Variants in ZNF85 observed in about 807,000 individuals in gnomAD.
The protein encoded by ZNF85 is zinc finger protein 85, also known as zinc finger protein 85 (HPF4, HTF1).
ZNF85 carries 50 observed loss-of-function variants against 53.9 expected under a neutral mutation model. The ratio of observed to expected loss-of-function variants is 0.93; its 90% CI spans 0.74 to 1.17. The LOEUF is 1.17. Ranked by LOEUF, ZNF85 falls within the 50% of genes most tolerant of loss-of-function variation. ZNF85 has a pLI of 0.00. For missense variants in ZNF85, 747 were observed against 688.5 expected, an observed-to-expected ratio of 1.08 and a Z score of -0.95; for synonymous variants, 225 against 226.1, an observed-to-expected ratio of 1.00 and a Z score of 0.04.
chr19:20,950,379 C>A lies in ZNF85; in HGVS notation c.*77C>A. On this transcript the variant is annotated 3_prime_UTR_variant, in exon 4 of 4. Coordinates refer to ENST00000328178, the MANE Select transcript of ZNF85 (RefSeq NM_003429.5). ...ATTTATACTGGAGAGAAACTACTAACCTGAAAGATGTGACAATAATTTTGA... is the reference window on the plus strand; with the variant it reads ...ATTTATACTGGAGAGAAACTACTAAACTGAAAGATGTGACAATAATTTTGA... The A allele has an allele frequency of 3.0e-6, 3 of 1,012,554 alleles. No individual in the cohort carries two copies. Among genetic ancestry groups the A allele is most frequent in the African/African-American group, 1.6e-5 (1 of 61,136 alleles). The allele number at this position is 1,012,554 out of a possible 1,614,324, so 62.7% of individuals were successfully genotyped here.
intron 1 of ZNF85, chr19:20,928,564 G>C (rs1000337557): frequency 1.3e-5 from 2 of 152,194 alleles, no homozygotes; most frequent in Non-Finnish European, 2.9e-5. Flanking sequence ...AGACATTGAC[G>C]TGTCCACATC....
At position 20,949,609 on chromosome 19, in the gene ZNF85, T is replaced by C. The variant is rs377515938; in HGVS notation, c.1095T>C (p.Thr365=). Residue 365 remains threonine, a synonymous_variant, in exon 4 of 4, where the codon ACT becomes ACC. Coordinates refer to ENST00000328178, the MANE Select transcript of ZNF85 (RefSeq NM_003429.5). ...TTACCACACATGAGGTAATTCATAC[T>C]GGAGAGAAACCCTACAAATGTGAAA... ...AHLTTHEVIH[T]GEKPYKCEKC... The C allele has an allele frequency of 4.4e-6, 7 of 1,602,204 alleles. No homozygotes were observed. The highest frequency in any genetic ancestry group is 2.7e-5 in the African/African-American group (2 of 74,334).
intron 1 of ZNF85, 135 bp from the exon 2 acceptor site, chr19:20,933,889 A>G: frequency 6.4e-6 from 6 of 943,550 alleles, no homozygotes; most frequent in Non-Finnish European, 8.8e-6. Context: ...AGTCAGAAAC[A>G]GTTACCTGTA....
chr19:20,934,096 C>T lies in ZNF85; in HGVS notation c.76C>T (p.Arg26Trp), dbSNP rs201139670. The T allele has an allele frequency of 5.6e-5, 91 of 1,612,106 alleles. No homozygotes were observed. The highest frequency in any genetic ancestry group is 6.9e-5 in the Non-Finnish European group (81 of 1,179,146). ...GTGGCAATGCCTGGACACTGCACAG[C>T]GGAATTTATATAGAAATGTGATGTT... ...KEWQCLDTAQRNLYRNVMLEN... is the reference protein window; with the variant it reads ...KEWQCLDTAQWNLYRNVMLEN... Residue 26 changes from arginine to tryptophan, a missense_variant, in exon 2 of 4, where the codon CGG becomes TGG. Transcript: ENST00000328178.
Position 20,929,059 on chromosome 19 carries a change from CT to C in ZNF85, c.4-4964del, listed in dbSNP as rs539205896. Among the ~76,000 whole-genome samples, 20 of 151,552 alleles carry C rather than the reference CT, an allele frequency of 1.3e-4. No individual in the cohort carries two copies. The South Asian group carries it at 4.2e-3, about 32-fold the overall frequency. On this transcript the variant is annotated intron_variant, in intron 1 of 3. Transcript: ENST00000328178. ...CTCCACCCTTACTAGGCCTCAGTGT[CT>C]GTTGTTTCTTTCTTTGTGTACGTGT...
chr19:20,947,757 A>G (rs1002985262), intron 3 of ZNF85, among the ~76,000 whole-genome samples: 4 of 150,712 alleles, frequency 2.7e-5, no homozygotes, highest in Non-Finnish European at 5.9e-5. Flanking sequence ...ATTTTTTCTT[A>G]TATTAAAATT....
intron 3 of ZNF85, among the ~76,000 whole-genome samples, chr19:20,942,634 T>A (rs1973324209): frequency 6.6e-6 from 1 of 152,224 alleles, no homozygotes; most frequent in Admixed American, 6.5e-5. Context: ...TTTTGAAACT[T>A]GGGCAAGAAT....
Position 20,949,423 on chromosome 19 carries a change from C to T in ZNF85, c.909C>T (p.Thr303=). 4 of 1,547,716 alleles carry T rather than the reference C, an allele frequency of 2.6e-6. No individual in the cohort carries two copies. Among genetic ancestry groups the T allele is most frequent in the Non-Finnish European group, 3.5e-6 (4 of 1,148,672 alleles). The change falls in exon 4 of 4, where the codon ACC becomes ACT. Residue 303 remains threonine, a synonymous_variant. Coordinates refer to ENST00000328178, the MANE Select transcript of ZNF85 (RefSeq NM_003429.5). ...KAFNRSSTLT[T]HRKIHTGEKP... ...TTAACCGATCTTCAACCCTTACTAC[C>T]CATAGAAAAATTCATACTGGAGAGA...
intron 1 of ZNF85, among the ~76,000 whole-genome samples, chr19:20,933,699 C>T (rs1227594395): frequency 6.6e-6 from 1 of 152,136 alleles, no homozygotes; most frequent in Non-Finnish European, 1.5e-5. Flanking sequence ...GTGTATATGG[C>T]ATCCAAAAAT....
At chr19:20,943,092 A>C (rs1372859256) in intron 3 of ZNF85, 1 of 416,242 alleles carries the variant, frequency 2.4e-6, no homozygotes, top group Non-Finnish European at 4.2e-6. Context: ...CTTAAATTTA[A>C]TAAGATTTGT....
intron 3 of ZNF85, among the ~76,000 whole-genome samples, chr19:20,944,644 A>G (rs995724901): frequency 4.7e-5 from 7 of 148,196 alleles, no homozygotes; most frequent in Admixed American, 4.0e-4. Flanking sequence ...ATATTATTCT[A>G]TGATTTTTTT....
chr19:20,947,975 C>T (rs894522020), intron 3 of ZNF85, among the ~76,000 whole-genome samples: 1 of 151,794 alleles, frequency 6.6e-6, no homozygotes, highest in East Asian at 1.9e-4. Flanking sequence ...TATGTTGCCC[C>T]AATATTTTTA....
chr19:20,944,314 G>A (rs1018637599), intron 3 of ZNF85: 1 of 151,612 alleles, frequency 6.6e-6, no homozygotes, highest in South Asian at 2.1e-4. Flanking sequence ...GACTGCCTTG[G>A]CCTCTTAAAA....
chr19:20,943,686 G>C (rs1360034949), intron 3 of ZNF85: 1 of 152,064 alleles, frequency 6.6e-6, no homozygotes, highest in Non-Finnish European at 1.5e-5. Flanking sequence ...TATTAAAAAT[G>C]GGGTCTTGAT....
In ZNF85 at chr19:20,948,734, T is replaced by C; in HGVS notation, c.230-10T>C. The C allele has an allele frequency of 6.6e-7, 1 of 1,516,786 alleles. No individual in the cohort carries two copies. The highest frequency in any genetic ancestry group is 8.8e-7 in the Non-Finnish European group (1 of 1,134,376). 94.0% of individuals were successfully genotyped at this position (1,516,786 alleles called of 1,614,324 possible). A position where few individuals can be genotyped will look rare whatever the true frequency, so the allele number is the denominator to read the frequency against. ...CAAGTGGAGTAATTTGTCATTTTTG[T>C]TTCTTTCAGTTATGTGTTCTCATTT... On this transcript the variant is annotated splice_polypyrimidine_tract_variant and intron_variant, in intron 3 of 3. Coordinates refer to ENST00000328178, the MANE Select transcript of ZNF85 (RefSeq NM_003429.5).
At chr19:20,943,621 CGTT>C (rs2144658347) in intron 3 of ZNF85, 1 of 152,192 alleles carries the variant, frequency 6.6e-6, no homozygotes, top group South Asian at 2.1e-4. Flanking sequence ...TATTCTGTAA[CGTT>C]GTCTAAGTTT....
intron 3 of ZNF85, chr19:20,944,313 G>A (rs1008638150): frequency 6.6e-6 from 1 of 151,494 alleles, no homozygotes; most frequent in South Asian, 2.1e-4. Flanking sequence ...TGACTGCCTT[G>A]GCCTCTTAAA....
intron 1 of ZNF85, among the ~76,000 whole-genome samples, chr19:20,930,600 C>T (rs574752643): frequency 1.3e-5 from 2 of 152,266 alleles, no homozygotes; most frequent in Admixed American, 6.5e-5. Flanking sequence ...ATGGCCAACA[C>T]AGTGCTTTTT....
At chr19:20,924,035 A>G (rs1972823633) in intron 1 of ZNF85, among the ~76,000 whole-genome samples, 1 of 151,600 alleles carries the variant, frequency 6.6e-6, no homozygotes, top group South Asian at 2.1e-4. Context: ...CAGTGAGCCT[A>G]CATCGCGCCA....
Sources: gnomAD v4.1 joint callset for allele counts (sites outside exome capture counted in the v4.1 genomes callset) on GRCh38, gnomAD v4.1.1 for gene constraint, MANE v1.5 for transcripts, NCBI Gene and HGNC (gene_info 2026-07-23, HGNC 2026-07-21) for gene names.